The following GNG7 variants were observed in gnomAD, a reference collection of about 807,000 sequenced individuals.
GNG7 encodes guanine nucleotide-binding protein G(I)/G(S)/G(O) subunit gamma-7.
In GNG7, 1 loss-of-function variant was observed where a neutral mutation model predicts 4.0. That is an observed-to-expected ratio of 0.25 (90% CI 0.09 to 1.18). GNG7 has a LOEUF of 1.18. Ranked by LOEUF, GNG7 falls within the 50% of genes most tolerant of loss-of-function variation. The pLI, the probability that GNG7 is intolerant of heterozygous loss-of-function variation, is 0.50. For synonymous variants in GNG7, 34 were observed against 36.9 expected (o/e 0.92, Z 0.29); for missense variants, 86 against 91.9 (o/e 0.94, Z 0.26).
At chr19:2,628,508 G>GGT (rs113456900) in intron 2 of GNG7, among the ~76,000 whole-genome samples, 3,706 of 151,026 alleles carry the variant, frequency 0.025, 145 homozygotes, top group African/African-American at 0.084. Flanking sequence ...TTTCAACTGT[G>GGT]GTGTGTGTGT....
intron 2 of GNG7, among the ~76,000 whole-genome samples, chr19:2,603,352 G>A (rs989958202): frequency 6.6e-6 from 1 of 152,276 alleles, no homozygotes; most frequent in Non-Finnish European, 1.5e-5. Context: ...GGCGTGAGCC[G>A]CCGTGCCCGG....
chr19:2,573,198 T>C (rs929040555), intron 2 of GNG7, among the ~76,000 whole-genome samples: 2 of 151,394 alleles, frequency 1.3e-5, no homozygotes, highest in Admixed American at 6.6e-5. Flanking sequence ...ATTTTTTGTA[T>C]TTTTAGTAGC....
Position 2,515,185 on chromosome 19 carries a change from A to C in GNG7, c.82-38T>G, listed in dbSNP as rs1042502012. Reference sequence around the variant, plus strand: ...ACAAGGAGGAGACAGAGGAGACATAAGAAGAGGCTGGCACACCCGGGTTCA... The same window carrying C: ...ACAAGGAGGAGACAGAGGAGACATACGAAGAGGCTGGCACACCCGGGTTCA... On this transcript the variant is annotated intron_variant, in intron 4 of 4. Coordinates refer to ENST00000382159, the MANE Select transcript of GNG7 (RefSeq NM_052847.3). The C allele has an allele frequency of 1.9e-6, 3 of 1,611,080 alleles. No homozygotes were observed. In the African/African-American group the frequency reaches 4.0e-5, roughly 22 times the overall value.
At chr19:2,581,200 G>T (rs545485196) in intron 2 of GNG7, among the ~76,000 whole-genome samples, 4 of 152,130 alleles carry the variant, frequency 2.6e-5, no homozygotes, top group African/African-American at 9.6e-5. Context: ...CTTCGCCGCA[G>T]GCCCAGCCTG....
chr19:2,557,562 A>T lies in GNG7; in HGVS notation c.-77-2374T>A, dbSNP rs1272480532. Among the ~76,000 whole-genome samples, 4 of 152,166 alleles carry T rather than the reference A, an allele frequency of 2.6e-5. No homozygotes were observed. Among genetic ancestry groups the T allele is most frequent in the Non-Finnish European group, 5.9e-5 (4 of 68,032 alleles). ...CCGGGTCAGCGAATGGAGTTGTAGCACCGTTTCAGGACCGTGATAGAGAAA... is the reference window on the plus strand; with the variant it reads ...CCGGGTCAGCGAATGGAGTTGTAGCTCCGTTTCAGGACCGTGATAGAGAAA... On this transcript the variant is annotated intron_variant, in intron 2 of 4. Coordinates refer to ENST00000382159, the MANE Select transcript of GNG7 (RefSeq NM_052847.3). This position sits in a 1 kb window ranked among gnomAD's most constrained non-coding sequence, Gnocchi z 5.1.
chr19:2,599,163 G>A (rs1224632909), intron 2 of GNG7, among the ~76,000 whole-genome samples: 8 of 152,132 alleles, frequency 5.3e-5, no homozygotes, highest in Non-Finnish European at 1.2e-4. Context: ...CAGACACCAC[G>A]TGGTGCTTTT....
chr19:2,535,994 G>T (rs1405869690), intron 3 of GNG7, among the ~76,000 whole-genome samples: 3 of 152,066 alleles, frequency 2.0e-5, no homozygotes, highest in African/African-American at 7.2e-5. Flanking sequence ...GTGTGGTGGT[G>T]TGTGCCTATA....
At chr19:2,613,540 G>A (rs1426750481) in intron 2 of GNG7, among the ~76,000 whole-genome samples, 1 of 152,194 alleles carries the variant, frequency 6.6e-6, no homozygotes, top group Admixed American at 6.5e-5. Context: ...CTCAGGGTGT[G>A]GATTTCAATG....
At chr19:2,525,934 C>T (rs1259944355) in intron 3 of GNG7, among the ~76,000 whole-genome samples, 3 of 145,232 alleles carry the variant, frequency 2.1e-5, no homozygotes, top group Admixed American at 7.1e-5. Flanking sequence ...CTCAGCCTCC[C>T]GAGTGGCTGG....
rs372633998 is a variant in GNG7, at chr19:2,637,578, C to T, written c.-78+8646G>A. On this transcript the variant is annotated intron_variant, in intron 2 of 4. Transcript: ENST00000382159. ...AACATTATTAAAAGATCAGGAAAAGCCCGCATCCCACGCCACCCTTTGTAA... is the reference window on the plus strand; with the variant it reads ...AACATTATTAAAAGATCAGGAAAAGTCCGCATCCCACGCCACCCTTTGTAA... Among the ~76,000 whole-genome samples the T allele has an allele frequency of 3.0e-4, 46 of 152,304 alleles. 1 individual carries two copies. Among genetic ancestry groups the T allele is most frequent in the African/African-American group, 1.1e-3 (46 of 41,572 alleles).
intron 1 of GNG7, among the ~76,000 whole-genome samples, chr19:2,651,490 T>C (rs1982827772): frequency 6.8e-6 from 1 of 146,548 alleles, no homozygotes; most frequent in Admixed American, 6.9e-5. Context: ...TCTCTTACTC[T>C]CTTTCTGTCT....
chr19:2,583,266 C>T (rs1360275847), intron 2 of GNG7, among the ~76,000 whole-genome samples: 1 of 152,114 alleles, frequency 6.6e-6, no homozygotes, highest in East Asian at 1.9e-4. Flanking sequence ...TTCTTTAAAC[C>T]TTTGTGTGTT....
intron 1 of GNG7, among the ~76,000 whole-genome samples, chr19:2,677,057 C>T (rs527529765): frequency 2.4e-4 from 37 of 151,784 alleles, no homozygotes; most frequent in Non-Finnish European, 5.0e-4. Flanking sequence ...ACTGCAGACC[C>T]AAATCTGTGT....
chr19:2,568,654 C>CACATATATAGACATACACACAT (rs560332211), intron 2 of GNG7, among the ~76,000 whole-genome samples: 4 of 122,982 alleles, frequency 3.3e-5, no homozygotes, highest in Admixed American at 1.9e-4. Flanking sequence ...CACAAATACA[C>CACATATATAGACATACACACAT]ATATACACAT....
At chr19:2,696,215 A>G (rs28688051) in intron 1 of GNG7, among the ~76,000 whole-genome samples, 4 of 144,000 alleles carry the variant, frequency 2.8e-5, no homozygotes, top group Non-Finnish European at 4.6e-5. Flanking sequence ...GGAGAGAGGG[A>G]AGAGAGGAGA....
At chr19:2,686,424 C>G (rs1406084541) in intron 1 of GNG7, among the ~76,000 whole-genome samples, 2 of 152,102 alleles carry the variant, frequency 1.3e-5, no homozygotes, top group East Asian at 3.9e-4. Context: ...TCCCAAAGTG[C>G]TGGGATTATA....
In GNG7 at chr19:2,568,915, A is replaced by T. The variant is rs1980055040; in HGVS notation, c.-77-13727T>A. 2.0e-5 allele frequency among the ~76,000 whole-genome samples: 3 copies of T among 146,508 alleles called. No individual in the cohort carries two copies. In the South Asian group the frequency reaches 6.2e-4, roughly 30 times the overall value. On this transcript the variant is annotated intron_variant, in intron 2 of 4. Coordinates refer to ENST00000382159, the MANE Select transcript of GNG7 (RefSeq NM_052847.3). ...ACACACATATCCACACTATACACAT[A>T]TACATACATATACAAATATACAAAT...
intron 2 of GNG7, among the ~76,000 whole-genome samples, chr19:2,555,564 C>T (rs905600836): frequency 6.6e-6 from 1 of 152,200 alleles, no homozygotes; most frequent in African/African-American, 2.4e-5. Flanking sequence ...TGGAATACTT[C>T]GGTGTTTTTC....
chr19:2,553,701 A>ACG (rs1979432781), intron 3 of GNG7, among the ~76,000 whole-genome samples: 1 of 146,312 alleles, frequency 6.8e-6, no homozygotes, highest in African/African-American at 2.6e-5. Flanking sequence ...ACATGTGCAC[A>ACG]TTACATATAA....
Sources: gnomAD v4.1 joint callset for allele counts (sites outside exome capture counted in the v4.1 genomes callset) on GRCh38, gnomAD v4.1.1 for gene constraint, Gnocchi (gnomAD v3.1) non-coding constraint, MANE v1.5 for transcripts, NCBI Gene and HGNC (gene_info 2026-07-23, HGNC 2026-07-21) for gene names.